Variants in ANKFN1 observed in about 807,000 individuals in gnomAD.
The protein encoded by ANKFN1 is ankyrin repeat and fibronectin type-III domain-containing protein 1.
Under a neutral mutation model 108.7 loss-of-function variants are expected in ANKFN1, and 74 were observed. The ratio of observed to expected loss-of-function variants is 0.68; its 90% CI spans 0.56 to 0.83. The LOEUF is 0.83. Among genes scored for constraint, ANKFN1 ranks in the 40% least tolerant of loss-of-function variants. The pLI, the probability that ANKFN1 is intolerant of heterozygous loss-of-function variation, is 0.00. For synonymous variants in ANKFN1, 547 were observed against 516.2 expected (o/e 1.06, Z -0.81); for missense variants, 1,505 against 1,382.3 (o/e 1.09, Z -1.41).
At chr17:56,257,633 C>A (rs2043390608) in intron 3 of ANKFN1, among the ~76,000 whole-genome samples, 2 of 152,180 alleles carry the variant, frequency 1.3e-5, no homozygotes, top group Non-Finnish European at 2.9e-5. Context: ...GAAATGAGGA[C>A]ACGGGGCCTG....
chr17:56,244,010 G>A (rs760451334), intron 3 of ANKFN1, among the ~76,000 whole-genome samples: 4 of 152,174 alleles, frequency 2.6e-5, no homozygotes, highest in Middle Eastern at 3.4e-3. Context: ...TATCAGGGGT[G>A]GGGAGTGGAG....
At chr17:56,227,080 G>T (rs1257599479) in intron 2 of ANKFN1, among the ~76,000 whole-genome samples, 1 of 152,104 alleles carries the variant, frequency 6.6e-6, no homozygotes, top group Non-Finnish European at 1.5e-5. Context: ...CATGATTTGA[G>T]TGCTTAGTCT....
At chr17:56,351,712 T>C (rs891054085) in intron 5 of ANKFN1, among the ~76,000 whole-genome samples, 8 of 152,158 alleles carry the variant, frequency 5.3e-5, no homozygotes, top group Admixed American at 3.9e-4. Flanking sequence ...TAGTGAGTTA[T>C]GTAATAGAGA....
At position 56,510,985 on chromosome 17, in the gene ANKFN1, C is replaced by A; in HGVS notation, c.3157C>A (p.Arg1053=). 6.5e-7 allele frequency: 1 copy of A among 1,535,942 alleles called. No individual in the cohort carries two copies. The highest frequency in any genetic ancestry group is 8.7e-7 in the Non-Finnish European group (1 of 1,146,830). ...GGCCCAGGAGCCCAAGGAGGCCAAG[C>A]GGGCCGGCCCTGCCCTTGATGATCC... The part of the protein sequence containing the change: ...GLAQEPKEAK[R]AGPALDDPRG... Residue 1053 remains arginine, a synonymous_variant, in exon 21 of 21, where the codon CGG becomes AGG. Coordinates refer to ENST00000682825, the MANE Select transcript of ANKFN1 (RefSeq NM_001370326.1).
At chr17:56,184,294 C>A (rs1911977702) in intron 1 of ANKFN1, among the ~76,000 whole-genome samples, 1 of 152,158 alleles carries the variant, frequency 6.6e-6, no homozygotes, top group Admixed American at 6.5e-5. Context: ...GATCAGTCAG[C>A]AGCCAGCAAC....
At chr17:56,220,468 G>A (rs1370787465) in intron 2 of ANKFN1, among the ~76,000 whole-genome samples, 1 of 151,944 alleles carries the variant, frequency 6.6e-6, no homozygotes, top group Non-Finnish European at 1.5e-5. Context: ...ACCAGCCTGG[G>A]TAACATGGCA....
chr17:56,112,442 T>G (rs1293193840), intron 4 of ANKFN1, among the ~76,000 whole-genome samples: 1 of 151,898 alleles, frequency 6.6e-6, no homozygotes, highest in Non-Finnish European at 1.5e-5. Flanking sequence ...ATTACTAAAG[T>G]AATACTTGAT....
intron 6 of ANKFN1, among the ~76,000 whole-genome samples, chr17:56,355,436 A>C (rs2046351193): frequency 6.6e-6 from 1 of 152,160 alleles, no homozygotes. Context: ...GGAACAAAAA[A>C]AGTCAGTGGG....
chr17:56,082,595 A>C (rs1905261970), intron 4 of ANKFN1, among the ~76,000 whole-genome samples: 3 of 152,222 alleles, frequency 2.0e-5, no homozygotes, highest in African/African-American at 7.2e-5. Flanking sequence ...AGGAATTTCT[A>C]GGTCTCCATT....
At chr17:56,299,945 A>G (rs528041935) in intron 3 of ANKFN1, among the ~76,000 whole-genome samples, 22 of 152,332 alleles carry the variant, frequency 1.4e-4, no homozygotes, top group African/African-American at 4.8e-4. Flanking sequence ...CAAAAAGTTT[A>G]TACTTGTCAT....
Position 56,440,895 on chromosome 17 carries a change from C to T in ANKFN1, c.1008+471C>T, listed in dbSNP as rs79937472. Among the ~76,000 whole-genome samples the T allele has an allele frequency of 3.3e-5, 5 of 150,110 alleles. No individual in the cohort carries two copies. The East Asian group carries it at 5.8e-4, about 18-fold the overall frequency. ...TTTTCCCTTGATTAAAAAAAAAAAA[C>T]GAAGTCTGTCTAAATATGTTTTCAC... On this transcript the variant is annotated intron_variant, in intron 9 of 20. Coordinates refer to ENST00000682825, the MANE Select transcript of ANKFN1 (RefSeq NM_001370326.1).
At chr17:56,508,190 T>C (rs1051231892) in intron 20 of ANKFN1, among the ~76,000 whole-genome samples, 1 of 152,190 alleles carries the variant, frequency 6.6e-6, no homozygotes, top group South Asian at 2.1e-4. Flanking sequence ...CTGCTATCTC[T>C]TCCTCAGCAT....
At position 56,353,942 on chromosome 17, in the gene ANKFN1, C is replaced by T. The variant is rs761481507; in HGVS notation, c.497C>T (p.Thr166Ile). 3 of 1,614,016 alleles carry T rather than the reference C, an allele frequency of 1.9e-6. No homozygotes were observed. Among genetic ancestry groups the T allele is most frequent in the Non-Finnish European group, 2.5e-6 (3 of 1,179,972 alleles). Residue 166 changes from threonine (T) to isoleucine (I), a missense_variant, in exon 6 of 21, where the codon ACA becomes ATA. Physicochemically the swap from Thr to Ile is moderately conservative, Grantham distance 89 (BLOSUM62 -1). Transcript: ENST00000682825. ...QYTPEELDLN[T>I]PNSEGLTPLD... ...ACACCAGAAGAACTTGACCTCAACA[C>T]ACCTAACAGCGAGGGCTTGACACCC... is the stretch of plus-strand genomic sequence containing the variant.
intron 3 of ANKFN1, among the ~76,000 whole-genome samples, chr17:56,287,710 A>G (rs1948615039): frequency 6.6e-6 from 1 of 152,196 alleles, no homozygotes; most frequent in South Asian, 2.1e-4. Context: ...ATAGCAAAAT[A>G]TTGTTCTTTT....
intron 3 of ANKFN1, among the ~76,000 whole-genome samples, chr17:56,321,705 A>T (rs1042011179): frequency 5.9e-5 from 9 of 152,194 alleles, no homozygotes; most frequent in Admixed American, 1.3e-4. Context: ...GTATTCTGAA[A>T]TTCTATACAT....
intron 8 of ANKFN1, among the ~76,000 whole-genome samples, chr17:56,386,767 C>T (rs904626883): frequency 1.3e-5 from 2 of 151,962 alleles, no homozygotes; most frequent in South Asian, 4.2e-4. Flanking sequence ...CAAAATTCAT[C>T]TGATATTTTA....
intron 3 of ANKFN1, among the ~76,000 whole-genome samples, chr17:56,322,064 A>G (rs556219439): frequency 5.9e-5 from 9 of 152,266 alleles, no homozygotes; most frequent in South Asian, 2.1e-4. Flanking sequence ...GGGTTCTTCA[A>G]AGCATTCTAT....
intron 8 of ANKFN1, among the ~76,000 whole-genome samples, chr17:56,410,347 G>C (rs556350355): frequency 1.3e-5 from 2 of 151,990 alleles, no homozygotes; most frequent in East Asian, 1.9e-4. Flanking sequence ...CGCCCACCTC[G>C]GCCTCCCAAA....
chr17:56,118,395 T>A (rs1413923085), intron 4 of ANKFN1, among the ~76,000 whole-genome samples: 1 of 152,164 alleles, frequency 6.6e-6, no homozygotes, highest in Non-Finnish European at 1.5e-5. Context: ...CTTTTAACTT[T>A]CAAATACATT....
Sources: allele counts gnomAD v4.1 joint callset (sites outside exome capture counted in the v4.1 genomes callset), GRCh38; gene constraint gnomAD v4.1.1; transcripts MANE v1.5; gene names NCBI Gene and HGNC (gene_info 2026-07-23, HGNC 2026-07-21).